Variants in JADE2 observed in about 807,000 individuals in gnomAD.
JADE2 encodes the protein jade family PHD finger 2.
Under a neutral mutation model 85.7 loss-of-function variants are expected in JADE2, and 13 were observed. The ratio of observed to expected loss-of-function variants is 0.15; its 90% CI spans 0.10 to 0.24. The LOEUF is 0.24. Among genes scored for constraint, JADE2 ranks in the 10% least tolerant of loss-of-function variants. The probability of loss-of-function intolerance (pLI) is 1.00; values close to 1 mark genes in which losing one functional copy is unlikely to be tolerated. For synonymous variants in JADE2, 440 were observed against 456.1 expected (o/e 0.96, Z 0.45); for missense variants, 846 against 1,115.9 (o/e 0.76, Z 3.45).
intron 4 of JADE2, 38 bp downstream of exon 4, chr5:134,552,247 A>C: frequency 1.3e-6 from 2 of 1,568,824 alleles, no homozygotes; most frequent in Non-Finnish European, 1.7e-6. Context: ...CCATTGGGAC[A>C]GGGGAGGAAG....
chr5:134,563,512 A>C (rs188343072), intron 7 of JADE2, among the ~76,000 whole-genome samples: 3 of 152,276 alleles, frequency 2.0e-5, no homozygotes, highest in Admixed American at 6.5e-5. Flanking sequence ...ATTTTATTTG[A>C]AATGTGAAAT....
In JADE2 at chr5:134,540,512, G is replaced by A. The variant is rs7703187; in HGVS notation, c.153+2429G>A. Among the ~76,000 whole-genome samples the A allele has an allele frequency of 4.1e-3, 621 of 152,078 alleles. 6 individuals are homozygous for A. The highest frequency in any genetic ancestry group is 0.015 in the African/African-American group (602 of 41,474). On this transcript the variant is annotated intron_variant, in intron 3 of 11. Transcript: ENST00000681547. ...GCCTCCCAAAGTGTCAGGATTACAG[G>A]CATGAGCTACTGCGCCTAGCCTCAC...
chr5:134,565,953 C>T (rs535145587), intron 8 of JADE2, among the ~76,000 whole-genome samples, 163 bp from the exon 9 acceptor site: 104 of 151,950 alleles, frequency 6.8e-4, no homozygotes, highest in South Asian at 2.5e-3. Context: ...TCCTCCCCTG[C>T]CGTAACTCCC....
In JADE2 at chr5:134,582,270, C is replaced by G. The variant is rs1764747276; in HGVS notation, c.*2953C>G. 1 of 152,208 alleles carries G rather than the reference C, an allele frequency of 6.6e-6. No homozygotes were observed. Among genetic ancestry groups the G allele is most frequent in the South Asian group, 2.1e-4 (1 of 4,828 alleles). 9.4% of individuals were successfully genotyped at this position (152,208 alleles called of 1,614,324 possible). On this transcript the variant is annotated 3_prime_UTR_variant, in exon 12 of 12. Transcript: ENST00000681547. ...GGTTTATTTTATTAAATGAGCCTGA[C>G]TTAGTGACAGTGTGTGAGCATTTGC... is the stretch of plus-strand genomic sequence containing the variant.
At chr5:134,526,535 G>C (rs1760832138) in intron 1 of JADE2, 1 of 985,226 alleles carries the variant, frequency 1.0e-6, no homozygotes, top group Non-Finnish European at 1.2e-6. Flanking sequence ...ACGTCCGGGC[G>C]CCGAACCGGG....
At position 134,526,031 on chromosome 5, in the gene JADE2, G is replaced by A. The variant is rs1760787514; in HGVS notation, c.-1+20G>A. The A allele has an allele frequency of 1.0e-6, 1 of 985,396 alleles. No homozygotes were observed. The highest frequency in any genetic ancestry group is 1.2e-6 in the Non-Finnish European group (1 of 830,006). 61.0% of individuals were successfully genotyped at this position (985,396 alleles called of 1,614,324 possible). ...AGCAAGGTAAGATCCAGCCCCCGGC[G>A]GATGGGCCCTGCGCATCTCCACGAC... On this transcript the variant is annotated intron_variant, in intron 1 of 11. Transcript: ENST00000681547.
At position 134,580,659 on chromosome 5, in the gene JADE2, A is replaced by G. The variant is rs1441627938; in HGVS notation, c.*1342A>G. 6.6e-6 allele frequency: 1 copy of G among 152,442 alleles called. No homozygotes were observed. The highest frequency in any genetic ancestry group is 6.6e-5 in the Admixed American group (1 of 15,264). 9.4% of individuals were successfully genotyped at this position (152,442 alleles called of 1,614,324 possible). On this transcript the variant is annotated 3_prime_UTR_variant, in exon 12 of 12. Transcript: ENST00000681547. ...CCAAAAAGAACCTTGCAAAAAGTCC[A>G]GTGAATCAGTCGAATCATTCTGTGG...
chr5:134,533,994 C>T (rs1761424858), intron 1 of JADE2, among the ~76,000 whole-genome samples: 1 of 152,112 alleles, frequency 6.6e-6, no homozygotes, highest in Non-Finnish European at 1.5e-5. Flanking sequence ...AATCCTCCAG[C>T]CCCGGCCTCC....
chr5:134,546,798 A>G (rs1762321218), intron 3 of JADE2, among the ~76,000 whole-genome samples: 1 of 152,136 alleles, frequency 6.6e-6, no homozygotes, highest in Non-Finnish European at 1.5e-5. Flanking sequence ...ATATAATTAC[A>G]CAAGTAATTA....
chr5:134,564,200 A>G (rs1338477244), intron 7 of JADE2: 3 of 264,456 alleles, frequency 1.1e-5, no homozygotes, highest in Admixed American at 5.0e-5. Context: ...AAGCACATAC[A>G]CACAGTCAAC....
intron 3 of JADE2, 36 bp from the exon 4 acceptor site, chr5:134,552,016 G>T (rs1317605116): frequency 6.2e-7 from 1 of 1,612,548 alleles, no homozygotes; most frequent in African/African-American, 1.3e-5. Flanking sequence ...CCCTGAGGCA[G>T]TCTGAAGTCA....
Position 134,578,997 on chromosome 5 carries a change from GC to G in JADE2, c.2187del (p.Ser730GlnfsTer2). 6.2e-7 allele frequency: 1 copy of G among 1,613,836 alleles called. No individual in the cohort carries two copies. On this transcript the variant is annotated frameshift_variant, in exon 12 of 12. Transcript: ENST00000681547. LOFTEE classifies it high-confidence loss of function. This position sits in a 1 kb window ranked among gnomAD's most constrained non-coding sequence, Gnocchi z 4.4. ...PLAPETPDEA[A>X]SVAADSDVQV... is the part of the protein sequence containing the mutation. The stretch of plus-strand genomic sequence containing the variant: ...GGCCCCTGAGACCCCGGACGAGGCA[GC>G]CTCAGTAGCTGCTGACTCAGATGTC...
chr5:134,565,940 T>C (rs1288906604), intron 8 of JADE2, among the ~76,000 whole-genome samples, 176 bp from the exon 9 acceptor site: 1 of 151,420 alleles, frequency 6.6e-6, no homozygotes, highest in Non-Finnish European at 1.5e-5. Context: ...CCAGAGCTCC[T>C]CCTCCTCCCC....
chr5:134,567,072 G>C (rs1005781797), intron 9 of JADE2, among the ~76,000 whole-genome samples: 1 of 152,362 alleles, frequency 6.6e-6, no homozygotes. Flanking sequence ...AAACAGGCAC[G>C]TGCCGGGCCA....
Position 134,578,560 on chromosome 5 carries a change from A to AGAT in JADE2, c.1749_1751dup (p.Gln583_Ile584insMet), listed in dbSNP as rs745837717. On this transcript the variant is annotated inframe_insertion, in exon 12 of 12. Coordinates refer to ENST00000681547, the MANE Select transcript of JADE2 (RefSeq NM_001388185.1). The surrounding 1 kb of genome is among the most constrained non-coding windows in gnomAD (Gnocchi z 4.4). ...AACAGCTGGCTGGCACAGTCGGTGC[A>AGAT]GATCACAGCAGAGAACATGGCCATG... The AGAT allele has an allele frequency of 1.2e-6, 2 of 1,612,646 alleles. No homozygotes were observed. The highest frequency in any genetic ancestry group is 1.7e-6 in the Non-Finnish European group (2 of 1,178,870).
At chr5:134,557,228 A>AT (rs1163893894) in intron 4 of JADE2, among the ~76,000 whole-genome samples, 1 of 138,240 alleles carries the variant, frequency 7.2e-6, no homozygotes, top group Non-Finnish European at 1.6e-5. Context: ...GATGATTATT[A>AT]TTTTTTTTGT....
At chr5:134,529,268 G>A (rs1347695188) in intron 1 of JADE2, among the ~76,000 whole-genome samples, 4 of 152,102 alleles carry the variant, frequency 2.6e-5, no homozygotes, top group African/African-American at 9.7e-5. Context: ...GGCTTGCCCT[G>A]TCCTCCAGAT....
At chr5:134,529,620 G>C (rs1338687761) in intron 1 of JADE2, among the ~76,000 whole-genome samples, 1 of 152,228 alleles carries the variant, frequency 6.6e-6, no homozygotes, top group South Asian at 2.1e-4. Context: ...TGATAAGCAC[G>C]TGATTAGTAT....
At position 134,567,208 on chromosome 5, in the gene JADE2, C is replaced by T. The variant is rs372379207; in HGVS notation, c.1434+628C>T. On this transcript the variant is annotated intron_variant, in intron 9 of 11. Coordinates refer to ENST00000681547, the MANE Select transcript of JADE2 (RefSeq NM_001388185.1). ...GAAGAGGTGAAAGGGGCTGGTGGAT[C>T]GCACGAGACTGGGCTGGTGGATCAC... Among the ~76,000 whole-genome samples the T allele has an allele frequency of 5.9e-5, 9 of 152,216 alleles. No individual in the cohort carries two copies. The East Asian group carries it at 9.7e-4, about 16-fold the overall frequency.
Sources: allele counts gnomAD v4.1 joint callset (sites outside exome capture counted in the v4.1 genomes callset), GRCh38; gene constraint gnomAD v4.1.1; non-coding constraint Gnocchi (gnomAD v3.1); transcripts MANE v1.5; gene names NCBI Gene and HGNC (gene_info 2026-07-23, HGNC 2026-07-21).